MECOM: variants seen among roughly 807,000 people sequenced by gnomAD.
MECOM encodes histone-lysine N-methyltransferase MECOM.
Under a neutral mutation model 116.3 loss-of-function variants are expected in MECOM, and 13 were observed. That is an observed-to-expected ratio of 0.11 (90% CI 0.07 to 0.18). The LOEUF (loss-of-function observed/expected upper bound fraction) is 0.18. MECOM is among the 10% of genes least tolerant of loss of function. The pLI, the probability that MECOM is intolerant of heterozygous loss-of-function variation, is 1.00. For synonymous variants in MECOM, 528 were observed against 535.2 expected (o/e 0.99, Z 0.19); for missense variants, 1,299 against 1,509.0 (o/e 0.86, Z 2.31).
intron 10 of MECOM, among the ~76,000 whole-genome samples, chr3:169,107,617 C>T (rs1337471611): frequency 6.6e-6 from 1 of 152,106 alleles, no homozygotes; most frequent in Non-Finnish European, 1.5e-5. Flanking sequence ...ACTTAGTGAC[C>T]CATTTCGAAG....
At chr3:169,219,586 T>C (rs1372251547) in intron 2 of MECOM, among the ~76,000 whole-genome samples, 1 of 152,060 alleles carries the variant, frequency 6.6e-6, no homozygotes, top group Non-Finnish European at 1.5e-5. Flanking sequence ...ACTTTCTTCT[T>C]GGCAAAAAAT....
At chr3:169,320,418 G>T (rs115610664) in intron 2 of MECOM, among the ~76,000 whole-genome samples, 35 of 152,168 alleles carry the variant, frequency 2.3e-4, no homozygotes, top group African/African-American at 8.4e-4. Context: ...ATGACGTAAG[G>T]TCCCTGAGGA....
intron 1 of MECOM, among the ~76,000 whole-genome samples, chr3:169,418,609 C>T (rs924455529): frequency 2.0e-5 from 3 of 152,174 alleles, no homozygotes; most frequent in Admixed American, 1.3e-4. Flanking sequence ...AATCAATAAA[C>T]GTAATCCATC....
At chr3:169,620,621 G>T (rs16854211) in intron 1 of MECOM, among the ~76,000 whole-genome samples, 21,293 of 152,124 alleles carry the variant, frequency 0.14, 1,904 homozygotes, top group South Asian at 0.25. Flanking sequence ...TGTCTCCATG[G>T]GCTCAGGAAG....
At position 169,458,105 on chromosome 3, in the gene MECOM, G is replaced by A. The variant is rs1022709249; in HGVS notation, c.38-76581C>T. On this transcript the variant is annotated intron_variant, in intron 1 of 16. Transcript: ENST00000651503. ...ATAGGATAATTGAGAAGAAATAAAA[G>A]AGGATAAATTGCCATGTGCTAATGA... Among the ~76,000 whole-genome samples, 6 of 152,230 alleles carry A rather than the reference G, an allele frequency of 3.9e-5. No individual in the cohort carries two copies. The East Asian group carries it at 9.6e-4, about 24-fold the overall frequency.
At chr3:169,396,484 T>C (rs1735041224) in intron 1 of MECOM, among the ~76,000 whole-genome samples, 2 of 152,226 alleles carry the variant, frequency 1.3e-5, no homozygotes, top group African/African-American at 4.8e-5. Context: ...AATTTTTGTC[T>C]ATTGATTACA....
At chr3:169,458,157 T>A (rs1486326576) in intron 1 of MECOM, among the ~76,000 whole-genome samples, 3 of 152,196 alleles carry the variant, frequency 2.0e-5, no homozygotes, top group Non-Finnish European at 1.5e-5. Flanking sequence ...GGGAAGGACA[T>A]CAGTTTTAAC....
intron 1 of MECOM, among the ~76,000 whole-genome samples, chr3:169,440,764 T>A (rs1743507202): frequency 6.6e-6 from 1 of 152,144 alleles, no homozygotes. Context: ...ATATTGGTGA[T>A]GTTGGGAGGG....
chr3:169,177,990 A>G (rs984100188), intron 2 of MECOM, among the ~76,000 whole-genome samples: 2 of 152,104 alleles, frequency 1.3e-5, no homozygotes, highest in African/African-American at 4.8e-5. Context: ...TAAAAAGAAG[A>G]AAGAACAGGT....
rs148468626 is a variant in MECOM, at chr3:169,527,963, A to C, written c.37+135373T>G. 1.7e-4 allele frequency among the ~76,000 whole-genome samples: 26 copies of C among 152,276 alleles called. 1 individual carries two copies. In the East Asian group the frequency reaches 4.8e-3, roughly 28 times the overall value. On this transcript the variant is annotated intron_variant, in intron 1 of 16. Coordinates refer to ENST00000651503, the MANE Select transcript of MECOM (RefSeq NM_004991.4). The stretch of plus-strand genomic sequence containing the variant: ...TTGATGTGCATACTTAGGCGTGTGC[A>C]TGCCAGTGGGATGGGTTGACTTTGG...
intron 11 of MECOM, among the ~76,000 whole-genome samples, chr3:169,101,254 AT>A (rs1723455438): frequency 6.6e-6 from 1 of 152,204 alleles, no homozygotes; most frequent in African/African-American, 2.4e-5. Context: ...TTAACTCAAT[AT>A]TTTTACATTC....
At chr3:169,456,387 C>A (rs1746505614) in intron 1 of MECOM, among the ~76,000 whole-genome samples, 1 of 152,110 alleles carries the variant, frequency 6.6e-6, no homozygotes, top group African/African-American at 2.4e-5. Context: ...CCCTAGTTGA[C>A]AAATCAAGGC....
At position 169,102,120 on chromosome 3, in the gene MECOM, G is replaced by A. The variant is rs1056574492; in HGVS notation, c.2711C>T (p.Ala904Val). The stretch of plus-strand genomic sequence containing the variant: ...GTTCTCTGGCAGGGCATTGGGAGGC[G>A]CCCTGAAGTTGAACATAGAGGGCAC... Reference protein sequence around the residue: ...QSVPSMFNFRAPPNALPENLL... With the variant: ...QSVPSMFNFRVPPNALPENLL... The change falls in exon 11 of 17, where the codon GCG (alanine) becomes GTG (valine). Residue 904 changes from alanine (A) to valine (V), a missense_variant. Around this residue, in one of 6 missense-constraint regions of MECOM, gnomAD observed 340 missense variants for 312.6 expected, o/e 1.09. Transcript: ENST00000651503. The A allele has an allele frequency of 4.3e-6, 7 of 1,613,744 alleles. No individual in the cohort carries two copies. The highest frequency in any genetic ancestry group is 2.7e-5 in the African/African-American group (2 of 75,016).
At chr3:169,210,946 T>G (rs1750646324) in intron 2 of MECOM, among the ~76,000 whole-genome samples, 2 of 152,284 alleles carry the variant, frequency 1.3e-5, no homozygotes, top group South Asian at 4.1e-4. Context: ...GCCCATTGAG[T>G]GGCATATATC....
intron 2 of MECOM, among the ~76,000 whole-genome samples, chr3:169,186,013 C>T (rs1158731054): frequency 6.6e-6 from 1 of 152,106 alleles, no homozygotes; most frequent in Admixed American, 6.5e-5. Flanking sequence ...TTGGCTTAGA[C>T]AATATTCCCT....
At chr3:169,490,244 C>T (rs1752918168) in intron 1 of MECOM, among the ~76,000 whole-genome samples, 1 of 152,120 alleles carries the variant, frequency 6.6e-6, no homozygotes, top group Admixed American at 6.5e-5. Context: ...AATTGAATCA[C>T]TCTTATTAGG....
chr3:169,271,970 A>G (rs986952313), intron 2 of MECOM, among the ~76,000 whole-genome samples: 1 of 152,176 alleles, frequency 6.6e-6, no homozygotes, highest in Non-Finnish European at 1.5e-5. Context: ...CCCTATAGGC[A>G]TAAACTTGAT....
intron 2 of MECOM, among the ~76,000 whole-genome samples, chr3:169,254,613 C>A (rs1756641262): frequency 6.6e-6 from 1 of 151,998 alleles, no homozygotes; most frequent in African/African-American, 2.4e-5. Flanking sequence ...TTATAATTTC[C>A]TAAACTTTCA....
At position 169,097,817 on chromosome 3, in the gene MECOM, T is replaced by TAAAAAAAAAAAAAAAAAA. The variant is rs539873617; in HGVS notation, c.2850-2590_2850-2573dup. 8.2e-3 allele frequency among the ~76,000 whole-genome samples: 716 copies of TAAAAAAAAAAAAAAAAAA among 87,034 alleles called. 105 individuals carry two copies. The highest frequency in any genetic ancestry group is 0.012 in the African/African-American group (295 of 25,332). 57.1% of individuals were successfully genotyped at this position (87,034 alleles called of 152,430 possible). On this transcript the variant is annotated intron_variant, in intron 12 of 16. Coordinates refer to ENST00000651503, the MANE Select transcript of MECOM (RefSeq NM_004991.4). The stretch of plus-strand genomic sequence containing the variant: ...AACAGAGTGAGACCTACTGTCTATA[T>TAAAAAAAAAAAAAAAAAA]AAAAAAAAAAAAAAAAAAAAAAAGG...
Sources: allele counts gnomAD v4.1 joint callset (sites outside exome capture counted in the v4.1 genomes callset), GRCh38; gene constraint gnomAD v4.1.1; regional missense constraint gnomAD v4.1.1; transcripts MANE v1.5; gene names NCBI Gene and HGNC (gene_info 2026-07-23, HGNC 2026-07-21).